CD1B: variants seen among roughly 807,000 people sequenced by gnomAD.
CD1B encodes T-cell surface glycoprotein CD1b.
In CD1B, 43 loss-of-function variants were observed where a neutral mutation model predicts 39.8. The observed-to-expected ratio is 1.08, with a 90% CI of 0.85 to 1.39. The LOEUF (loss-of-function observed/expected upper bound fraction) is 1.39. CD1B is among the 40% of genes most tolerant of loss of function. The probability of loss-of-function intolerance (pLI) is 0.00; values close to 1 mark genes in which losing one functional copy is unlikely to be tolerated. For missense variants in CD1B, 495 were observed against 403.8 expected, an observed-to-expected ratio of 1.23 and a Z score of -1.94; for synonymous variants, 192 against 152.5, an observed-to-expected ratio of 1.26 and a Z score of -1.91.
chr1:158,330,448 A>T, intron 2 of CD1B: 1 of 553,476 alleles, frequency 1.8e-6, no homozygotes, highest in African/African-American at 1.9e-5. Flanking sequence ...TGCGGGGAGG[A>T]GATGATTGAA....
chr1:158,292,011 C>G, the CD1B span: 15 of 1,444,174 alleles, frequency 1.0e-5, no homozygotes, highest in Admixed American at 4.4e-5. Flanking sequence ...CTTCCTGATA[C>G]AGCCCTAGGT....
At chr1:158,312,473 G>C in the CD1B span, among the ~76,000 whole-genome samples, 2 of 152,056 alleles carry the variant, frequency 1.3e-5, no homozygotes, top group Non-Finnish European at 2.9e-5. Context: ...TTTATTAGCA[G>C]GACGAAAATG....
the CD1B span, among the ~76,000 whole-genome samples, chr1:158,293,808 T>G: frequency 6.6e-6 from 1 of 152,194 alleles, no homozygotes; most frequent in Non-Finnish European, 1.5e-5. Flanking sequence ...TCATTTCACA[T>G]TTTTAAGCTT....
At position 158,329,544 on chromosome 1, in the gene CD1B, A is replaced by C; in HGVS notation, c.712T>G (p.Trp238Gly). ...TGCTGCTCCTGCTCACCCCGCATCC[A>C]CATCACCCACACGGGCTTTGGGTAG... ...GFYPKPVWVM[W>G]MRGEQEQQGT... The change falls in exon 4 of 6, where the codon TGG (tryptophan) becomes GGG (glycine). Residue 238 changes from tryptophan to glycine, a missense_variant. Physicochemically the swap from Trp to Gly is radical, Grantham distance 184. Transcript: ENST00000368168. The C allele has an allele frequency of 6.2e-7, 1 of 1,614,136 alleles. No homozygotes were observed. Among genetic ancestry groups the C allele is most frequent in the Non-Finnish European group, 8.5e-7 (1 of 1,180,026 alleles).
At chr1:158,292,096 TA>T in the CD1B span, 3 of 1,613,682 alleles carry the variant, frequency 1.9e-6, no homozygotes, top group Non-Finnish European at 2.5e-6. Flanking sequence ...CCCTTTGAAG[TA>T]CAGGTGAAAG....
the CD1B span, among the ~76,000 whole-genome samples, chr1:158,317,056 T>G: frequency 2.0e-5 from 3 of 151,920 alleles, no homozygotes; most frequent in African/African-American, 7.3e-5. Flanking sequence ...TGGATTTGGT[T>G]TGGCAGTATT....
the CD1B span, among the ~76,000 whole-genome samples, chr1:158,317,219 A>G: frequency 6.6e-6 from 1 of 151,906 alleles, no homozygotes. Context: ...ATTGATTGGA[A>G]TAGTTTCAGA....
chr1:158,330,199 A>G, intron 2 of CD1B, 69 bp from the exon 3 acceptor site: 1 of 1,425,712 alleles, frequency 7.0e-7, no homozygotes, highest in Non-Finnish European at 9.5e-7. Flanking sequence ...AAAAGAACCT[A>G]GGATTTTAGA....
In CD1B at chr1:158,329,653, G is replaced by A; in HGVS notation, c.608-5C>T. 4.3e-6 allele frequency: 7 copies of A among 1,611,702 alleles called. No homozygotes were observed. The highest frequency in any genetic ancestry group is 5.9e-6 in the Non-Finnish European group (7 of 1,178,484). Reference sequence around the variant, plus strand: ...ACAGCCAGGCCTCAGGCTTCACTAAGGCAGGAAGGAGAAAAAAAAGTGTCA... The same window carrying A: ...ACAGCCAGGCCTCAGGCTTCACTAAAGCAGGAAGGAGAAAAAAAAGTGTCA... On this transcript the variant is annotated splice_region_variant and splice_polypyrimidine_tract_variant and intron_variant, in intron 3 of 5. Coordinates refer to ENST00000368168, the MANE Select transcript of CD1B (RefSeq NM_001764.3).
chr1:158,286,197 C>A, the CD1B span, among the ~76,000 whole-genome samples: 2 of 152,066 alleles, frequency 1.3e-5, no homozygotes, highest in African/African-American at 4.8e-5. Flanking sequence ...CAACCCAGCC[C>A]CTCTGTTCAG....
At chr1:158,322,723 A>G in the CD1B span, among the ~76,000 whole-genome samples, 1 of 152,160 alleles carries the variant, frequency 6.6e-6, no homozygotes, top group South Asian at 2.1e-4. Flanking sequence ...GTTTGTCTGG[A>G]AGAGCCTTTA....
downstream of CD1B, among the ~76,000 whole-genome samples, chr1:158,326,524 T>C (rs1652356875): frequency 6.6e-6 from 1 of 152,148 alleles, no homozygotes; most frequent in African/African-American, 2.4e-5. Context: ...GTAAAAACAA[T>C]TCATGAGACA....
intron 3 of CD1B, 24 bp downstream of exon 3, chr1:158,329,828 A>G: frequency 6.2e-7 from 1 of 1,600,454 alleles, no homozygotes; most frequent in Non-Finnish European, 8.5e-7. Context: ...AGGTGGTGGG[A>G]AGTGAAATAA....
the CD1B span, chr1:158,292,450 AAG>A: frequency 6.6e-7 from 1 of 1,510,822 alleles, no homozygotes; most frequent in Non-Finnish European, 8.9e-7. Flanking sequence ...CAGGACAAGA[AAG>A]AGGACAAGAA....
At chr1:158,297,169 T>C in the CD1B span, among the ~76,000 whole-genome samples, 1 of 151,808 alleles carries the variant, frequency 6.6e-6, no homozygotes, top group East Asian at 1.9e-4. Flanking sequence ...CCAAGGTCAA[T>C]GTGAAAGAAA....
downstream of CD1B, among the ~76,000 whole-genome samples, chr1:158,323,275 T>C (rs899839239): frequency 1.3e-5 from 2 of 152,122 alleles, no homozygotes; most frequent in Non-Finnish European, 2.9e-5. Context: ...AATTCTGCTG[T>C]TAATGCTCGT....
chr1:158,294,981 T>C, the CD1B span, among the ~76,000 whole-genome samples: 1 of 152,150 alleles, frequency 6.6e-6, no homozygotes, highest in Non-Finnish European at 1.5e-5. Flanking sequence ...CCATTGCTCA[T>C]TTCCTTGGCA....
chr1:158,325,244 C>A (rs553764767), downstream of CD1B, among the ~76,000 whole-genome samples: 1 of 152,118 alleles, frequency 6.6e-6, no homozygotes, highest in Non-Finnish European at 1.5e-5. Flanking sequence ...GACTCCTTTT[C>A]TGAGGGTCCA....
the CD1B span, chr1:158,292,140 G>A: frequency 1.2e-6 from 2 of 1,614,144 alleles, no homozygotes; most frequent in Non-Finnish European, 1.7e-6. Flanking sequence ...AAAGAGCCCA[G>A]AAGGCTTCTT....
Sources: allele counts gnomAD v4.1 joint callset (sites outside exome capture counted in the v4.1 genomes callset), GRCh38; gene constraint gnomAD v4.1.1; transcripts MANE v1.5; gene names NCBI Gene and HGNC (gene_info 2026-07-23, HGNC 2026-07-21).